The following NRK variants were observed in gnomAD, a reference collection of about 807,000 sequenced individuals.
NRK encodes the protein Nik related kinase.
A neutral mutation model predicts 125.2 loss-of-function variants in NRK; 67 were observed. The ratio of observed to expected loss-of-function variants is 0.54; its 90% CI spans 0.44 to 0.66. The LOEUF (loss-of-function observed/expected upper bound fraction) is 0.66, where lower values mean the gene tolerates loss of function less well. Ranked by LOEUF, NRK falls within the 30% of genes least tolerant of loss-of-function variation. NRK has a pLI of 0.00. For missense variants in NRK, 1,224 were observed against 1,192.9 expected, an observed-to-expected ratio of 1.03 and a Z score of -0.38; for synonymous variants, 458 against 429.0, an observed-to-expected ratio of 1.07 and a Z score of -0.84.
At chrX:105,943,077 T>C (rs1182823090) in intron 23 of NRK, among the ~76,000 whole-genome samples, 1 of 112,305 alleles carries the variant, frequency 8.9e-6, no homozygotes, top group Non-Finnish European at 1.9e-5. Flanking sequence ...TCTTGCCTTA[T>C]ATTTGGGTGT....
intron 2 of NRK, among the ~76,000 whole-genome samples, chrX:105,834,108 C>T (rs1431641457): frequency 1.1e-5 from 1 of 89,097 alleles, no homozygotes; most frequent in Non-Finnish European, 2.4e-5. Context: ...CCAACTTTCC[C>T]TCTGGTGTGT....
At position 105,935,203 on chromosome X, in the gene NRK, C is replaced by A; in HGVS notation, c.3533C>A (p.Ser1178Ter). The change falls in exon 21 of 29, where the codon TCA (serine) becomes TAA (stop). Residue 1178 changes from serine (S) to a stop codon, truncating the protein, a stop_gained. Transcript: ENST00000243300. LOFTEE classifies it high-confidence loss of function. Reference sequence around the variant, plus strand: ...GGATTCGTAGAAGTACCTGAGGAATCACCTAAGCAACCCTCTGAAGTCAAT... The same window carrying A: ...GGATTCGTAGAAGTACCTGAGGAATAACCTAAGCAACCCTCTGAAGTCAAT... Reference protein sequence around the residue: ...YAGFVEVPEESPKQPSEVNVN... With the variant: ...YAGFVEVPEE 8.4e-7 allele frequency: 1 copy of A among 1,196,841 alleles called. No homozygotes were observed. The highest frequency in any genetic ancestry group is 1.1e-6 in the Non-Finnish European group (1 of 882,382).
At chrX:105,852,087 C>CT (rs755655522) in intron 2 of NRK, among the ~76,000 whole-genome samples, 2 of 111,940 alleles carry the variant, frequency 1.8e-5, no homozygotes, top group East Asian at 5.6e-4. Flanking sequence ...CTTTCTCAAT[C>CT]TTTTTTGCAA....
intron 19 of NRK, among the ~76,000 whole-genome samples, chrX:105,928,498 T>G (rs1029191045): frequency 1.2e-4 from 13 of 111,677 alleles, no homozygotes; most frequent in African/African-American, 4.2e-4. Flanking sequence ...ACTTTTGCTC[T>G]GATTTTTATT....
chrX:105,861,490 G>C (rs1039420737), intron 2 of NRK, among the ~76,000 whole-genome samples: 4 of 111,589 alleles, frequency 3.6e-5, no homozygotes, highest in African/African-American at 9.8e-5. Flanking sequence ...TTTCTTTTAG[G>C]AGTTTTATAG....
chrX:105,915,864 C>G, intron 15 of NRK, 67 bp downstream of exon 15: 1 of 591,118 alleles, frequency 1.7e-6, no homozygotes, highest in Non-Finnish European at 2.8e-6. Context: ...AAAATTATTT[C>G]ATTGATAATA....
chrX:105,919,082 A>C, intron 16 of NRK, among the ~76,000 whole-genome samples: 1 of 109,543 alleles, frequency 9.1e-6, no homozygotes, highest in African/African-American at 3.3e-5. Flanking sequence ...TGTTCAGTGT[A>C]ATGTTCTCAA....
Position 105,822,566 on chromosome X carries a change from C to T in NRK, c.-280C>T. 2.6e-6 allele frequency: 1 copy of T among 390,243 alleles called. No individual in the cohort carries two copies. The highest frequency in any genetic ancestry group is 4.5e-5 in the East Asian group (1 of 22,066). 32.2% of individuals were successfully genotyped at this position (390,243 alleles called of 1,213,427 possible). ...ACACAGCGCTCTCGACACGGAGCAC[C>T]CTTCTAGCTTCTTCGTCTCCAGGAC... On this transcript the variant is annotated 5_prime_UTR_variant, in exon 1 of 29. Coordinates refer to ENST00000243300, the MANE Select transcript of NRK (RefSeq NM_198465.4).
intron 1 of NRK, among the ~76,000 whole-genome samples, chrX:105,826,148 T>C (rs1303657069): frequency 2.2e-5 from 2 of 92,659 alleles, no homozygotes; most frequent in Non-Finnish European, 4.2e-5. Context: ...TATATATGAT[T>C]ATATATATAT....
At chrX:105,896,732 A>G (rs967338513) in intron 7 of NRK, among the ~76,000 whole-genome samples, 2 of 110,770 alleles carry the variant, frequency 1.8e-5, no homozygotes, top group Non-Finnish European at 3.8e-5. Context: ...GGTCCCAGCT[A>G]CTCGAGAGGC....
At chrX:105,876,627 A>G (rs1401699230) in intron 2 of NRK, among the ~76,000 whole-genome samples, 1 of 112,059 alleles carries the variant, frequency 8.9e-6, no homozygotes, top group African/African-American at 3.2e-5. Context: ...CACTCAATGT[A>G]GAATCTAAAA....
chrX:105,890,024 T>C (rs1402050381), intron 5 of NRK, among the ~76,000 whole-genome samples: 2 of 112,096 alleles, frequency 1.8e-5, no homozygotes, highest in African/African-American at 3.2e-5. Context: ...TTCTTTTCTA[T>C]TGCATAATCA....
chrX:105,862,742 G>T (rs777565271), intron 2 of NRK, among the ~76,000 whole-genome samples: 1 of 111,979 alleles, frequency 8.9e-6, no homozygotes, highest in East Asian at 2.8e-4. Flanking sequence ...ATTTACCATG[G>T]ATGCAATTAG....
At chrX:105,855,460 G>A (rs2039520349) in intron 2 of NRK, among the ~76,000 whole-genome samples, 1 of 111,389 alleles carries the variant, frequency 9.0e-6, no homozygotes, top group Non-Finnish European at 1.9e-5. Flanking sequence ...TGATTGAGAA[G>A]ATTCGGGGTG....
intron 2 of NRK, among the ~76,000 whole-genome samples, chrX:105,845,474 C>A (rs2039388535): frequency 9.0e-6 from 1 of 111,396 alleles, no homozygotes; most frequent in African/African-American, 3.3e-5. Flanking sequence ...ATACAGGATG[C>A]CAAGTTAAAT....
intron 2 of NRK, among the ~76,000 whole-genome samples, chrX:105,831,438 A>G (rs2039191126): frequency 8.9e-6 from 1 of 112,429 alleles, no homozygotes; most frequent in African/African-American, 3.2e-5. Flanking sequence ...ATACATCCAT[A>G]CCATTCTAAA....
At chrX:105,864,741 A>G (rs1259858539) in intron 2 of NRK, among the ~76,000 whole-genome samples, 1 of 111,833 alleles carries the variant, frequency 8.9e-6, no homozygotes, top group Non-Finnish European at 1.9e-5. Flanking sequence ...TTGGGAGAAT[A>G]TAACTAGGTA....
intron 2 of NRK, among the ~76,000 whole-genome samples, chrX:105,837,030 C>T (rs768204925): frequency 1.8e-5 from 2 of 111,678 alleles, no homozygotes; most frequent in Non-Finnish European, 3.8e-5. Flanking sequence ...GCTAATATAT[C>T]ATTGTCCTAT....
intron 4 of NRK, among the ~76,000 whole-genome samples, chrX:105,884,927 A>AT (rs2039924275): frequency 9.0e-6 from 1 of 111,031 alleles, no homozygotes; most frequent in Non-Finnish European, 1.9e-5. Context: ...AGTAGTTGGG[A>AT]TTATAGGCAT....
Sources: gnomAD v4.1 joint callset for allele counts (sites outside exome capture counted in the v4.1 genomes callset) on GRCh38, gnomAD v4.1.1 for gene constraint, MANE v1.5 for transcripts, NCBI Gene and HGNC (gene_info 2026-07-23, HGNC 2026-07-21) for gene names.